NRXN3: variants seen among roughly 807,000 people sequenced by gnomAD.
NRXN3 encodes the protein neurexin 3, also known as neurexin III.
Under a neutral mutation model 137.6 loss-of-function variants are expected in NRXN3, and 32 were observed. The observed-to-expected ratio is 0.23, with a 90% CI of 0.18 to 0.31. NRXN3 has a LOEUF of 0.31. Among genes scored for constraint, NRXN3 ranks in the 10% least tolerant of loss-of-function variants. NRXN3 has a pLI of 1.00. For synonymous variants in NRXN3, 798 were observed against 784.5 expected, an observed-to-expected ratio of 1.02 and a Z score of -0.29; for missense variants, 1,574 against 2,062.5, an observed-to-expected ratio of 0.76 and a Z score of 4.59.
In NRXN3 at chr14:79,004,653, G is replaced by A. The variant is rs184402218; in HGVS notation, c.3262+16512G>A. 1.4e-3 allele frequency among the ~76,000 whole-genome samples: 217 copies of A among 152,256 alleles called. 1 individual carries two copies. The highest frequency in any genetic ancestry group is 4.3e-4 in the Non-Finnish European group (29 of 68,034). ...GGCACACTGTTGTTTGATGGTATAT[G>A]TTTTCCTAACATGAACAAACTCCCT... On this transcript the variant is annotated intron_variant, in intron 15 of 20. Coordinates refer to ENST00000335750, the MANE Select transcript of NRXN3 (RefSeq NM_001330195.2).
intron 19 of NRXN3, among the ~76,000 whole-genome samples, chr14:79,718,440 C>T (rs183984931): frequency 2.8e-4 from 42 of 152,248 alleles, no homozygotes; most frequent in Non-Finnish European, 4.6e-4. Flanking sequence ...ACTATTAGAA[C>T]GTACTAAGTA....
intron 8 of NRXN3, among the ~76,000 whole-genome samples, chr14:78,759,325 C>T (rs1478253982): frequency 6.6e-6 from 1 of 152,176 alleles, no homozygotes. Flanking sequence ...CAGCCTCTAA[C>T]CAGGTGCATT....
intron 10 of NRXN3, among the ~76,000 whole-genome samples, chr14:78,885,058 A>G (rs1413379558): frequency 1.3e-5 from 2 of 151,606 alleles, no homozygotes; most frequent in Admixed American, 6.6e-5. Flanking sequence ...TCATATTTAT[A>G]AAGTAGGGAT....
At chr14:79,054,270 C>G (rs2099650268) in intron 15 of NRXN3, among the ~76,000 whole-genome samples, 1 of 151,854 alleles carries the variant, frequency 6.6e-6, no homozygotes, top group South Asian at 2.1e-4. Flanking sequence ...TGTAAGAAAC[C>G]TGCACGTTAT....
chr14:78,433,721 T>C (rs2093969005), intron 4 of NRXN3, among the ~76,000 whole-genome samples: 1 of 152,180 alleles, frequency 6.6e-6, no homozygotes, highest in South Asian at 2.1e-4. Flanking sequence ...AGATGTGGGC[T>C]CCTTGACCTT....
rs188594318 is a variant in NRXN3 at position 78,568,766 on chromosome 14, G to A, written c.758-76354G>A. Among the ~76,000 whole-genome samples, 109 of 152,162 alleles carry A rather than the reference G, an allele frequency of 7.2e-4. 1 individual carries two copies. Among genetic ancestry groups the A allele is most frequent in the African/African-American group, 2.2e-3 (90 of 41,508 alleles). ...AATATTTTTTCCTAAAGTTCATCAT[G>A]TGGCAAATGTGTCACACCCTCCAGG... On this transcript the variant is annotated intron_variant, in intron 4 of 20. Transcript: ENST00000335750.
chr14:78,605,027 A>G (rs890497965), intron 4 of NRXN3, among the ~76,000 whole-genome samples: 4 of 152,114 alleles, frequency 2.6e-5, no homozygotes, highest in Non-Finnish European at 5.9e-5. Context: ...ACATTCAAAG[A>G]TTTTTCTCAG....
intron 7 of NRXN3, among the ~76,000 whole-genome samples, chr14:78,712,392 T>C (rs2098413301): frequency 6.6e-6 from 1 of 152,200 alleles, no homozygotes; most frequent in Non-Finnish European, 1.5e-5. Flanking sequence ...TTATTGTTGT[T>C]ATATAAGTGT....
At chr14:79,823,095 A>G (rs1298597003) in intron 20 of NRXN3, among the ~76,000 whole-genome samples, 6 of 152,198 alleles carry the variant, frequency 3.9e-5, no homozygotes, top group African/African-American at 1.4e-4. Flanking sequence ...CAAATATTAT[A>G]GTCCCCAGCC....
At chr14:78,769,131 T>TG (rs2098718737) in intron 8 of NRXN3, among the ~76,000 whole-genome samples, 3 of 152,210 alleles carry the variant, frequency 2.0e-5, no homozygotes, top group African/African-American at 7.2e-5. Flanking sequence ...ACTCAGATTA[T>TG]GGTTCAAAAG....
intron 1 of NRXN3, among the ~76,000 whole-genome samples, chr14:78,230,854 A>T (rs1478176310): frequency 1.3e-5 from 2 of 152,140 alleles, no homozygotes; most frequent in Non-Finnish European, 2.9e-5. Context: ...GTTGAAAACC[A>T]CTGGAGGGTC....
intron 15 of NRXN3, among the ~76,000 whole-genome samples, chr14:79,073,985 A>C (rs1350635448): frequency 1.3e-5 from 2 of 152,246 alleles, no homozygotes; most frequent in African/African-American, 4.8e-5. Context: ...AGTACCTGCC[A>C]TATGGTAGGC....
At chr14:78,888,340 T>G (rs2152689737) in intron 10 of NRXN3, among the ~76,000 whole-genome samples, 1 of 152,120 alleles carries the variant, frequency 6.6e-6, no homozygotes, top group Non-Finnish European at 1.5e-5. Flanking sequence ...TATTGAATTC[T>G]GAGTATCCAG....
At chr14:78,401,867 CTAAGTTTTAATAATTTT>C (rs1376686961) in intron 4 of NRXN3, among the ~76,000 whole-genome samples, 1 of 152,170 alleles carries the variant, frequency 6.6e-6, no homozygotes, top group Non-Finnish European at 1.5e-5. Flanking sequence ...TCACTAGTTT[CTAAGTTTTAATAATTTT>C]TAATGCCTTG....
At chr14:79,093,600 C>T (rs1340657409) in intron 15 of NRXN3, among the ~76,000 whole-genome samples, 6 of 152,158 alleles carry the variant, frequency 3.9e-5, no homozygotes, top group South Asian at 2.1e-4. Flanking sequence ...TTGCTTTCTG[C>T]GAGCGAGCCT....
intron 15 of NRXN3, among the ~76,000 whole-genome samples, chr14:79,181,766 G>A (rs1308169989): frequency 1.3e-5 from 2 of 151,864 alleles, no homozygotes; most frequent in African/African-American, 2.4e-5. Context: ...ACAGGGTGGG[G>A]CATCTCATGT....
intron 16 of NRXN3, among the ~76,000 whole-genome samples, chr14:79,502,430 A>G (rs751648010): frequency 1.3e-5 from 2 of 152,088 alleles, no homozygotes; most frequent in Non-Finnish European, 2.9e-5. Context: ...AGAATAGTTA[A>G]CAGCTCTAAG....
chr14:79,004,626 G>A (rs1427287143), intron 15 of NRXN3, among the ~76,000 whole-genome samples: 2 of 152,120 alleles, frequency 1.3e-5, no homozygotes, highest in Non-Finnish European at 2.9e-5. Flanking sequence ...TACCAACAGT[G>A]GGGCACACTG....
chr14:79,797,799 A>G (rs999167856), intron 19 of NRXN3, among the ~76,000 whole-genome samples: 4 of 152,144 alleles, frequency 2.6e-5, no homozygotes, highest in East Asian at 1.9e-4. Context: ...TTGATTACAT[A>G]TAAAAATCAT....
Sources: allele counts gnomAD v4.1 joint callset (sites outside exome capture counted in the v4.1 genomes callset), GRCh38; gene constraint gnomAD v4.1.1; transcripts MANE v1.5; gene names NCBI Gene and HGNC (gene_info 2026-07-23, HGNC 2026-07-21).